The following GPR158 variants were observed in gnomAD, a reference collection of about 807,000 sequenced individuals.
GPR158 encodes G protein-coupled receptor 158.
GPR158 carries 30 observed loss-of-function variants against 78.2 expected under a neutral mutation model. The ratio of observed to expected loss-of-function variants is 0.38; its 90% CI spans 0.29 to 0.52. The LOEUF is 0.52. Ranked by LOEUF, GPR158 falls within the 20% of genes least tolerant of loss-of-function variation. GPR158 has a pLI of 0.83. For missense variants in GPR158, 1,463 were observed against 1,523.5 expected (o/e 0.96, Z 0.66); for synonymous variants, 581 against 591.1 (o/e 0.98, Z 0.25).
intron 4 of GPR158, among the ~76,000 whole-genome samples, chr10:25,419,243 T>A (rs1357109402): frequency 6.6e-6 from 1 of 152,206 alleles, no homozygotes; most frequent in Non-Finnish European, 1.5e-5. Context: ...TGGAATCGTA[T>A]AATATTTATT....
rs1852535242 is a variant in GPR158 at position 25,176,467 on chromosome 10, C to T, written c.902+145C>T. The T allele has an allele frequency of 1.4e-6, 1 of 695,998 alleles. No individual in the cohort carries two copies. Among genetic ancestry groups the T allele is most frequent in the Non-Finnish European group, 2.3e-6 (1 of 442,248 alleles). 43.1% of individuals were successfully genotyped at this position (695,998 alleles called of 1,614,324 possible). A position where few individuals can be genotyped will look rare whatever the true frequency, so the allele number is the denominator to read the frequency against. ...GAGTAGAGACCCGGGCTGAGGGACA[C>T]CCCACGCGGGCGCGGGTGCTTGGGG... is the stretch of plus-strand genomic sequence containing the variant. On this transcript the variant is annotated intron_variant, in intron 1 of 10. Coordinates refer to ENST00000376351, the MANE Select transcript of GPR158 (RefSeq NM_020752.3). The surrounding 1 kb of genome is among the most constrained non-coding windows in gnomAD (Gnocchi z 6.3).
At chr10:25,386,675 C>A (rs1396577154) in intron 2 of GPR158, among the ~76,000 whole-genome samples, 1 of 152,082 alleles carries the variant, frequency 6.6e-6, no homozygotes, top group African/African-American at 2.4e-5. Flanking sequence ...TTCTTGGTTA[C>A]TCCTAATCAT....
chr10:25,542,849 T>C lies in GPR158; in HGVS notation c.1405-8127T>C, dbSNP rs978661131. On this transcript the variant is annotated intron_variant, in intron 5 of 10. Transcript: ENST00000376351. ...AAAAAAAAAAAAAAAAAAAGTTCTATTTCTAAGTTGAGCATATTTGAGAAG... is the reference window on the plus strand; with the variant it reads ...AAAAAAAAAAAAAAAAAAAGTTCTACTTCTAAGTTGAGCATATTTGAGAAG... 1.1e-4 allele frequency among the ~76,000 whole-genome samples: 17 copies of C among 151,106 alleles called. No individual in the cohort carries two copies. In the East Asian group the frequency reaches 3.3e-3, roughly 29 times the overall value.
At position 25,303,621 on chromosome 10, in the gene GPR158, C is replaced by A. The variant is rs1437260392; in HGVS notation, c.1008+82464C>A. 2.6e-5 allele frequency among the ~76,000 whole-genome samples: 4 copies of A among 152,262 alleles called. No homozygotes were observed. The South Asian group carries it at 8.3e-4, about 32-fold the overall frequency. On this transcript the variant is annotated intron_variant, in intron 2 of 10. Transcript: ENST00000376351. The stretch of plus-strand genomic sequence containing the variant: ...GTTATATGAACATTGTCTTTCTTGG[C>A]AGTCAAACTCCGCCTTTATCAAAAT...
chr10:25,572,504 A>C, intron 6 of GPR158, 145 bp from the exon 7 acceptor site: 1 of 679,774 alleles, frequency 1.5e-6, no homozygotes, highest in Non-Finnish European at 2.6e-6. Flanking sequence ...CCCTGTCTCT[A>C]CAACAAAAAC....
chr10:25,597,705 T>G, intron 10 of GPR158, 67 bp from the exon 11 acceptor site: 1 of 1,280,976 alleles, frequency 7.8e-7, no homozygotes, highest in Non-Finnish European at 1.1e-6. Flanking sequence ...TCCAATACCA[T>G]GTAGTGATCT....
chr10:25,476,467 A>G (rs1835587775), intron 5 of GPR158, among the ~76,000 whole-genome samples: 1 of 150,964 alleles, frequency 6.6e-6, no homozygotes, highest in South Asian at 2.1e-4. Flanking sequence ...ACTCCAATGC[A>G]TATGTAAGTA....
At chr10:25,350,177 T>G (rs1010287378) in intron 2 of GPR158, among the ~76,000 whole-genome samples, 1 of 151,964 alleles carries the variant, frequency 6.6e-6, no homozygotes, top group Non-Finnish European at 1.5e-5. Context: ...TGACCGTAAC[T>G]TACAAATATC....
intron 3 of GPR158, among the ~76,000 whole-genome samples, chr10:25,409,576 C>T (rs908150889): frequency 6.6e-5 from 10 of 152,176 alleles, no homozygotes; most frequent in East Asian, 1.9e-4. Flanking sequence ...TGCTAAAAAA[C>T]AAAACACCTT....
intron 2 of GPR158, among the ~76,000 whole-genome samples, chr10:25,236,471 G>A (rs1323494434): frequency 6.6e-6 from 1 of 152,130 alleles, no homozygotes; most frequent in Non-Finnish European, 1.5e-5. Context: ...TTGCACCACT[G>A]CACTCCAGCC....
intron 5 of GPR158, among the ~76,000 whole-genome samples, chr10:25,472,593 G>T (rs1356126403): frequency 1.3e-5 from 2 of 152,228 alleles, no homozygotes; most frequent in Admixed American, 6.5e-5. Flanking sequence ...TCCTACCCAT[G>T]AGCATGGAAT....
chr10:25,319,822 ACC>A (rs11379091), intron 2 of GPR158, among the ~76,000 whole-genome samples: 2,273 of 134,192 alleles, frequency 0.017, 69 homozygotes, highest in African/African-American at 0.062. Context: ...TGAACACCCC[ACC>A]CCCCCCAAAA....
At chr10:25,438,247 T>C (rs1447336973) in intron 4 of GPR158, among the ~76,000 whole-genome samples, 1 of 152,144 alleles carries the variant, frequency 6.6e-6, no homozygotes, top group African/African-American at 2.4e-5. Context: ...ATTGTCACTG[T>C]GGGGAAAGGA....
At chr10:25,596,876 A>C (rs983149086) in intron 10 of GPR158, 87 bp downstream of exon 10, 8 of 1,071,106 alleles carry the variant, frequency 7.5e-6, no homozygotes, top group Non-Finnish European at 1.1e-5. Context: ...GCGTGTGTGC[A>C]TGCATGTACA....
chr10:25,222,105 C>T (rs548317545), intron 2 of GPR158, among the ~76,000 whole-genome samples: 1 of 152,242 alleles, frequency 6.6e-6, no homozygotes, highest in East Asian at 1.9e-4. Flanking sequence ...GACAGTTGCA[C>T]AGGTATACAT....
At chr10:25,451,484 C>T (rs995308138) in intron 4 of GPR158, among the ~76,000 whole-genome samples, 5 of 152,156 alleles carry the variant, frequency 3.3e-5, no homozygotes, top group East Asian at 1.9e-4. Context: ...CACAGCAGGG[C>T]GTGGTTTCCT....
At chr10:25,517,023 T>C (rs1430488040) in intron 5 of GPR158, among the ~76,000 whole-genome samples, 1 of 150,424 alleles carries the variant, frequency 6.6e-6, no homozygotes, top group Non-Finnish European at 1.5e-5. Flanking sequence ...CTCTTCCATT[T>C]GTTTGTATCC....
At chr10:25,208,751 G>C (rs1260471175) in intron 1 of GPR158, among the ~76,000 whole-genome samples, 1 of 152,006 alleles carries the variant, frequency 6.6e-6, no homozygotes, top group African/African-American at 2.4e-5. Context: ...GCTTTCACCT[G>C]AATTAACCTG....
chr10:25,353,543 A>G (rs1855504405), intron 2 of GPR158, among the ~76,000 whole-genome samples: 2 of 152,028 alleles, frequency 1.3e-5, no homozygotes, highest in African/African-American at 4.8e-5. Flanking sequence ...AGAGCTCTGA[A>G]CGTCTACCTC....
Sources: allele counts gnomAD v4.1 joint callset (sites outside exome capture counted in the v4.1 genomes callset), GRCh38; gene constraint gnomAD v4.1.1; non-coding constraint Gnocchi (gnomAD v3.1); transcripts MANE v1.5; gene names NCBI Gene and HGNC (gene_info 2026-07-23, HGNC 2026-07-21).